The following GRIN2B variants were observed in gnomAD, a reference collection of about 807,000 sequenced individuals.
The protein encoded by GRIN2B is glutamate ionotropic receptor NMDA type subunit 2B.
Under a neutral mutation model 114.5 loss-of-function variants are expected in GRIN2B, and 5 were observed. The ratio of observed to expected loss-of-function variants is 0.04; its 90% CI spans 0.02 to 0.09. The LOEUF is 0.09. GRIN2B is among the 10% of genes least tolerant of loss of function. The probability of loss-of-function intolerance (pLI) is 1.00; values close to 1 mark genes in which losing one functional copy is unlikely to be tolerated. For missense variants in GRIN2B, 1,108 were observed against 1,943.5 expected (o/e 0.57, Z 8.08); for synonymous variants, 787 against 745.1 (o/e 1.06, Z -0.92).
chr12:13,945,643 A>G (rs148660113), intron 2 of GRIN2B, among the ~76,000 whole-genome samples: 219 of 152,280 alleles, frequency 1.4e-3, no homozygotes, highest in African/African-American at 5.2e-3. Context: ...TACAAATCCT[A>G]CAGTGAGATG....
At chr12:13,807,565 A>G (rs951666730) in intron 3 of GRIN2B, among the ~76,000 whole-genome samples, 9 of 152,242 alleles carry the variant, frequency 5.9e-5, no homozygotes, top group African/African-American at 2.2e-4. Flanking sequence ...GCAATCAGCA[A>G]CAGAGAGGGA....
intron 3 of GRIN2B, among the ~76,000 whole-genome samples, chr12:13,808,633 T>C (rs558999809): frequency 3.4e-4 from 52 of 151,700 alleles, no homozygotes; most frequent in African/African-American, 9.7e-4. Context: ...TAAGGAGATA[T>C]ACCTAATGTA....
intron 4 of GRIN2B, among the ~76,000 whole-genome samples, chr12:13,750,244 C>T (rs1039885638): frequency 1.3e-5 from 2 of 152,180 alleles, no homozygotes; most frequent in African/African-American, 4.8e-5. Context: ...ATGTGGGCCT[C>T]TAGGACTGAG....
At chr12:13,802,135 T>C (rs1304390689) in intron 3 of GRIN2B, among the ~76,000 whole-genome samples, 1 of 152,096 alleles carries the variant, frequency 6.6e-6, no homozygotes, top group East Asian at 1.9e-4. Context: ...AATAATACTT[T>C]ACTAAATGAA....
At chr12:13,618,059 C>A (rs1023337557) in intron 5 of GRIN2B, among the ~76,000 whole-genome samples, 3 of 152,248 alleles carry the variant, frequency 2.0e-5, no homozygotes, top group Non-Finnish European at 4.4e-5. Flanking sequence ...GAATCATGCA[C>A]TGAACCAAAC....
intron 4 of GRIN2B, among the ~76,000 whole-genome samples, chr12:13,700,020 C>G (rs1950296198): frequency 6.6e-6 from 1 of 152,018 alleles, no homozygotes; most frequent in South Asian, 2.1e-4. Context: ...CTAAACTTAC[C>G]AGGGAATCTT....
At chr12:13,621,438 GACTGTAAAGC>G (rs1254884074) in intron 5 of GRIN2B, among the ~76,000 whole-genome samples, 2 of 151,986 alleles carry the variant, frequency 1.3e-5, no homozygotes, top group Non-Finnish European at 2.9e-5. Context: ...TGAAGAAAAT[GACTGTAAAGC>G]ACTCAGAATT....
intron 5 of GRIN2B, among the ~76,000 whole-genome samples, chr12:13,674,571 G>A (rs144199400): frequency 6.6e-6 from 1 of 152,016 alleles, no homozygotes; most frequent in Non-Finnish European, 1.5e-5. Flanking sequence ...ATGAGGTTGT[G>A]AATTTCAAGA....
At chr12:13,773,307 C>T (rs1218596439) in intron 3 of GRIN2B, among the ~76,000 whole-genome samples, 2 of 152,126 alleles carry the variant, frequency 1.3e-5, no homozygotes, top group East Asian at 3.9e-4. Flanking sequence ...ATGCACACAC[C>T]TGCACAATAT....
chr12:13,947,579 T>C (rs1227416182), intron 2 of GRIN2B, among the ~76,000 whole-genome samples: 2 of 152,200 alleles, frequency 1.3e-5, no homozygotes, highest in Non-Finnish European at 2.9e-5. Flanking sequence ...CCTATCCACA[T>C]CCTGCAACAG....
rs75556439 is a variant in GRIN2B at position 13,950,577 on chromosome 12, T to G, written c.-19+29351A>C. Among the ~76,000 whole-genome samples the G allele has an allele frequency of 7.3e-3, 1,108 of 152,318 alleles. 17 individuals are homozygous for G. Among genetic ancestry groups the G allele is most frequent in the African/African-American group, 0.026 (1,067 of 41,570 alleles). ...TTCTTGCTATTATTGTTTCTTATAT[T>G]TGACTCCTTGCCTATCTAAAAATTA... On this transcript the variant is annotated intron_variant, in intron 2 of 13. Transcript: ENST00000609686.
Position 13,540,736 on chromosome 12 carries a change from A to T in GRIN2B, c.*22047T>A, listed in dbSNP as rs984047325. 19 of 152,344 alleles carry T rather than the reference A, an allele frequency of 1.2e-4. No individual in the cohort carries two copies. The highest frequency in any genetic ancestry group is 4.1e-4 in the African/African-American group (17 of 41,562). 9.4% of individuals were successfully genotyped at this position (152,344 alleles called of 1,614,324 possible). On this transcript the variant is annotated 3_prime_UTR_variant, in exon 14 of 14. Coordinates refer to ENST00000609686, the MANE Select transcript of GRIN2B (RefSeq NM_000834.5). ...ATAGATATTTACAGAAAACAGAAGC[A>T]AAACAAATAAACAAAAAAAGAACTT...
At chr12:13,655,454 T>C (rs769420926) in intron 5 of GRIN2B, among the ~76,000 whole-genome samples, 1 of 152,100 alleles carries the variant, frequency 6.6e-6, no homozygotes, top group Non-Finnish European at 1.5e-5. Context: ...AGAAGGAAAA[T>C]GGGCATTAGG....
rs1375016616 is a variant in GRIN2B at position 13,976,071 on chromosome 12, G to A, written c.-19+3857C>T. ...GCACAATGGATTCTGTGTAATGGCC[G>A]CAGGCACCATTAACAGCCGCAGGTG... On this transcript the variant is annotated intron_variant, in intron 2 of 13. Coordinates refer to ENST00000609686, the MANE Select transcript of GRIN2B (RefSeq NM_000834.5). Among the ~76,000 whole-genome samples the A allele has an allele frequency of 5.3e-5, 8 of 152,202 alleles. No individual in the cohort carries two copies. In the East Asian group the frequency reaches 5.8e-4, roughly 11 times the overall value.
chr12:13,779,290 T>C (rs558470691), intron 3 of GRIN2B, among the ~76,000 whole-genome samples: 6 of 152,296 alleles, frequency 3.9e-5, no homozygotes, highest in Admixed American at 1.3e-4. Context: ...GTGATCCATC[T>C]GCCTCGGCCT....
At chr12:13,695,234 C>T (rs770605207) in intron 4 of GRIN2B, among the ~76,000 whole-genome samples, 2 of 152,170 alleles carry the variant, frequency 1.3e-5, no homozygotes, top group Admixed American at 6.5e-5. Flanking sequence ...ATAAAGCCTA[C>T]ATCTTTCGCT....
At chr12:13,571,692 C>CT (rs1948710926) in intron 11 of GRIN2B, 112 bp downstream of exon 11, 1 of 1,163,690 alleles carries the variant, frequency 8.6e-7, no homozygotes. Flanking sequence ...ATGAAGTCTT[C>CT]TTTAACATTT....
chr12:13,800,441 A>AT (rs1300418093), intron 3 of GRIN2B, among the ~76,000 whole-genome samples: 1 of 152,084 alleles, frequency 6.6e-6, no homozygotes, highest in African/African-American at 2.4e-5. Context: ...ACTCCTGACC[A>AT]TTTTTATCAC....
chr12:13,593,841 A>C (rs1023102377), intron 10 of GRIN2B, among the ~76,000 whole-genome samples: 6 of 152,164 alleles, frequency 3.9e-5, no homozygotes, highest in African/African-American at 1.4e-4. Flanking sequence ...AAAACAAACA[A>C]CACCATCAAA....
Sources: gnomAD v4.1 joint callset for allele counts (sites outside exome capture counted in the v4.1 genomes callset) on GRCh38, gnomAD v4.1.1 for gene constraint, MANE v1.5 for transcripts, NCBI Gene and HGNC (gene_info 2026-07-23, HGNC 2026-07-21) for gene names.